Variants in MYO1D observed in about 807,000 individuals in gnomAD.
MYO1D encodes the protein unconventional myosin-Id.
A neutral mutation model predicts 122.0 loss-of-function variants in MYO1D; 83 were observed. The ratio of observed to expected loss-of-function variants is 0.68; its 90% CI spans 0.57 to 0.82. The LOEUF (loss-of-function observed/expected upper bound fraction) is 0.82. Among genes scored for constraint, MYO1D ranks in the 40% least tolerant of loss-of-function variants. The probability of loss-of-function intolerance (pLI) is 0.00; values close to 1 mark genes in which losing one functional copy is unlikely to be tolerated. For synonymous variants in MYO1D, 464 were observed against 446.9 expected (o/e 1.04, Z -0.48); for missense variants, 1,157 against 1,269.5 (o/e 0.91, Z 1.35).
intron 6 of MYO1D, among the ~76,000 whole-genome samples, 159 bp downstream of exon 6, chr17:32,770,966 G>A (rs2090107006): frequency 6.6e-6 from 1 of 152,154 alleles, no homozygotes; most frequent in African/African-American, 2.4e-5. Flanking sequence ...ATTCAAAAAT[G>A]TGCTGAATCT....
intron 21 of MYO1D, among the ~76,000 whole-genome samples, chr17:32,582,140 C>T (rs2087347588): frequency 6.6e-6 from 1 of 152,034 alleles, no homozygotes; most frequent in Non-Finnish European, 1.5e-5. Context: ...GTCTCAAACT[C>T]CTGGACTCAA....
intron 16 of MYO1D, among the ~76,000 whole-genome samples, chr17:32,660,856 A>C (rs1242090200): frequency 6.6e-6 from 1 of 152,198 alleles, no homozygotes; most frequent in Admixed American, 6.5e-5. Context: ...CTTCTTTAGC[A>C]TCTTGAAAAG....
At chr17:32,819,354 G>A (rs768559911) in intron 1 of MYO1D, among the ~76,000 whole-genome samples, 38 of 152,074 alleles carry the variant, frequency 2.5e-4, no homozygotes, top group Non-Finnish European at 4.0e-4. Context: ...GAACTGAAGG[G>A]CTATCTCCCA....
At chr17:32,725,888 A>T (rs1434698285) in intron 14 of MYO1D, among the ~76,000 whole-genome samples, 1 of 152,242 alleles carries the variant, frequency 6.6e-6, no homozygotes, top group African/African-American at 2.4e-5. Flanking sequence ...ACAAAGAGAC[A>T]GACTGACAGC....
At position 32,841,285 on chromosome 17, in the gene MYO1D, G is replaced by A. The variant is rs187957651; in HGVS notation, c.95+35493C>T. Among the ~76,000 whole-genome samples, 198 of 152,044 alleles carry A rather than the reference G, an allele frequency of 1.3e-3. 1 individual carries two copies. Among genetic ancestry groups the A allele is most frequent in the African/African-American group, 4.4e-3 (181 of 41,470 alleles). ...AGTTCAAGACCAGCCTGGGTAACAT[G>A]GCAAAAATCCCACCTTTACAAAAAA... On this transcript the variant is annotated intron_variant, in intron 1 of 21. Transcript: ENST00000318217.
chr17:32,675,735 C>T (rs760681835), intron 16 of MYO1D, among the ~76,000 whole-genome samples: 1 of 151,824 alleles, frequency 6.6e-6, no homozygotes, highest in African/African-American at 2.4e-5. Context: ...GTGAACCATC[C>T]TTTTGTCACT....
intron 13 of MYO1D, among the ~76,000 whole-genome samples, chr17:32,744,267 C>A (rs1448122622): frequency 6.6e-6 from 1 of 152,192 alleles, no homozygotes; most frequent in Non-Finnish European, 1.5e-5. Flanking sequence ...CTCCCTCCTT[C>A]ACTTAATTCA....
At chr17:32,519,038 C>G (rs1286569286) in intron 21 of MYO1D, 1 of 152,412 alleles carries the variant, frequency 6.6e-6, no homozygotes, top group East Asian at 1.9e-4. Context: ...CTTTTCCTCC[C>G]GTCTCCTCCC....
At chr17:32,532,186 A>G (rs2150873524) in intron 21 of MYO1D, among the ~76,000 whole-genome samples, 1 of 152,360 alleles carries the variant, frequency 6.6e-6, no homozygotes, top group Middle Eastern at 3.4e-3. Flanking sequence ...AGACCAAGGA[A>G]GGATAAAAAC....
chr17:32,860,535 T>C (rs2091061915), intron 1 of MYO1D, among the ~76,000 whole-genome samples: 1 of 152,244 alleles, frequency 6.6e-6, no homozygotes, highest in African/African-American at 2.4e-5. Context: ...ATTGTTAAAT[T>C]GTTGCCCTTC....
chr17:32,673,809 T>C (rs992015630), intron 16 of MYO1D, among the ~76,000 whole-genome samples: 5 of 152,230 alleles, frequency 3.3e-5, no homozygotes, highest in Admixed American at 1.3e-4. Context: ...TTCTTAATTG[T>C]TTTGGGGTAA....
chr17:32,788,141 A>C (rs1032072012), intron 1 of MYO1D, among the ~76,000 whole-genome samples: 1 of 152,166 alleles, frequency 6.6e-6, no homozygotes, highest in African/African-American at 2.4e-5. Context: ...ATCAAATGGT[A>C]ATTCTCCATC....
At chr17:32,577,404 C>CT (rs1228928263) in intron 21 of MYO1D, among the ~76,000 whole-genome samples, 1 of 152,092 alleles carries the variant, frequency 6.6e-6, no homozygotes, top group Non-Finnish European at 1.5e-5. Context: ...AGTGCTGGGA[C>CT]TATAGGTGTG....
At chr17:32,868,664 T>C (rs2091151097) in intron 1 of MYO1D, among the ~76,000 whole-genome samples, 1 of 152,142 alleles carries the variant, frequency 6.6e-6, no homozygotes, top group Admixed American at 6.5e-5. Context: ...GAGTGAGAAT[T>C]ATATACCAGG....
chr17:32,708,808 A>G (rs375693424), intron 16 of MYO1D, among the ~76,000 whole-genome samples: 2 of 152,200 alleles, frequency 1.3e-5, no homozygotes, highest in Non-Finnish European at 2.9e-5. Context: ...CCTTCACTGC[A>G]TATGTGATAA....
chr17:32,603,270 A>C (rs2087583814), intron 21 of MYO1D, among the ~76,000 whole-genome samples: 1 of 152,178 alleles, frequency 6.6e-6, no homozygotes, highest in African/African-American at 2.4e-5. Context: ...TATTTCTGTC[A>C]CTTGTAGAAG....
chr17:32,536,344 A>C (rs1443324346), intron 21 of MYO1D, among the ~76,000 whole-genome samples: 3 of 152,206 alleles, frequency 2.0e-5, no homozygotes, highest in Non-Finnish European at 2.9e-5. Context: ...CCCAGGATAC[A>C]GACTCTAATT....
In MYO1D at chr17:32,715,922, T is replaced by C. The variant is rs1661926019; in HGVS notation, c.1914-3727A>G. On this transcript the variant is annotated intron_variant, in intron 15 of 21. Coordinates refer to ENST00000318217, the MANE Select transcript of MYO1D (RefSeq NM_015194.3). ...TTCTATTGACTCTACCTCCAAAATA[T>C]ATTTAACAATTCTCCTCATCTTTAT... 2.6e-5 allele frequency among the ~76,000 whole-genome samples: 4 copies of C among 152,332 alleles called. No individual in the cohort carries two copies. In the South Asian group the frequency reaches 8.3e-4, roughly 32 times the overall value.
At chr17:32,696,010 A>C (rs1052760170) in intron 16 of MYO1D, among the ~76,000 whole-genome samples, 1 of 152,142 alleles carries the variant, frequency 6.6e-6, no homozygotes, top group African/African-American at 2.4e-5. Flanking sequence ...TTAAATTCTC[A>C]CCCTCTCAGC....
Sources: allele counts gnomAD v4.1 joint callset (sites outside exome capture counted in the v4.1 genomes callset), GRCh38; gene constraint gnomAD v4.1.1; transcripts MANE v1.5; gene names NCBI Gene and HGNC (gene_info 2026-07-23, HGNC 2026-07-21).